Variants in SIK3 observed in about 807,000 individuals in gnomAD.
SIK3 encodes the protein SIK family kinase 3, also known as serine/threonine-protein kinase SIK3.
Under a neutral mutation model 144.2 loss-of-function variants are expected in SIK3, and 28 were observed. The ratio of observed to expected loss-of-function variants is 0.19; its 90% CI spans 0.14 to 0.27. The LOEUF (loss-of-function observed/expected upper bound fraction) is 0.27, where lower values mean the gene tolerates loss of function less well. SIK3 is among the 10% of genes least tolerant of loss of function. The pLI is 1.00. For missense variants in SIK3, 1,319 were observed against 1,776.0 expected, an observed-to-expected ratio of 0.74 and a Z score of 4.62; for synonymous variants, 686 against 676.3, an observed-to-expected ratio of 1.01 and a Z score of -0.22.
intron 5 of SIK3, 131 bp from the exon 6 acceptor site, chr11:116,896,507 G>A: frequency 1.0e-6 from 1 of 957,078 alleles, no homozygotes; most frequent in Non-Finnish European, 1.5e-6. Flanking sequence ...TTCCATCTTA[G>A]AACAGTTAAC....
chr11:117,012,849 CTTT>C (rs10652499), intron 1 of SIK3, among the ~76,000 whole-genome samples: 2 of 96,062 alleles, frequency 2.1e-5, no homozygotes, highest in Non-Finnish European at 3.8e-5. Context: ...GCCATTACTG[CTTT>C]TTTTTTTTTT....
At chr11:116,896,107 G>A in intron 6 of SIK3, 146 bp downstream of exon 6, 1 of 1,064,768 alleles carries the variant, frequency 9.4e-7, no homozygotes, top group Middle Eastern at 3.1e-4. Context: ...ACAGAACCTT[G>A]CCTCCTGGAG....
chr11:117,010,847 C>A (rs896034119), intron 1 of SIK3, among the ~76,000 whole-genome samples: 1 of 152,138 alleles, frequency 6.6e-6, no homozygotes, highest in Non-Finnish European at 1.5e-5. Flanking sequence ...AGGCCAGGCA[C>A]GGTGGCTCAT....
chr11:116,996,198 T>A (rs1029144938), intron 1 of SIK3, among the ~76,000 whole-genome samples: 2 of 151,754 alleles, frequency 1.3e-5, no homozygotes, highest in African/African-American at 2.4e-5. Flanking sequence ...ATCCCAGCTA[T>A]TCGGGAGGCT....
chr11:116,888,483 T>C (rs1944941979), intron 6 of SIK3, among the ~76,000 whole-genome samples: 1 of 152,244 alleles, frequency 6.6e-6, no homozygotes, highest in African/African-American at 2.4e-5. Flanking sequence ...TTTCTGGTAC[T>C]TGAAGGTTGT....
At chr11:116,942,927 CG>C (rs35197032) in intron 3 of SIK3, among the ~76,000 whole-genome samples, 1 of 151,976 alleles carries the variant, frequency 6.6e-6, no homozygotes, top group Non-Finnish European at 1.5e-5. Flanking sequence ...TAGCTATAAT[CG>C]GGGGGGAAGT....
chr11:116,852,306 G>A (rs1942526415), intron 21 of SIK3, among the ~76,000 whole-genome samples: 1 of 152,168 alleles, frequency 6.6e-6, no homozygotes, highest in Non-Finnish European at 1.5e-5. Flanking sequence ...CTTGTCTGCT[G>A]TCTTCCCCGC....
At chr11:116,863,960 C>T (rs2134445701) in intron 15 of SIK3, 142 bp from the exon 16 acceptor site, 2 of 810,112 alleles carry the variant, frequency 2.5e-6, no homozygotes, top group Non-Finnish European at 1.9e-6. Context: ...ATGCCATTTC[C>T]AGACATCAGT....
intron 1 of SIK3, among the ~76,000 whole-genome samples, chr11:117,006,808 G>T (rs1951066075): frequency 6.6e-6 from 1 of 152,150 alleles, no homozygotes; most frequent in Non-Finnish European, 1.5e-5. Context: ...TGGCCATGCT[G>T]CTCTATTTTT....
intron 1 of SIK3, among the ~76,000 whole-genome samples, chr11:116,990,740 A>G (rs1456354000): frequency 1.3e-5 from 2 of 152,134 alleles, no homozygotes; most frequent in Non-Finnish European, 2.9e-5. Flanking sequence ...TAAACTGATT[A>G]TATTTTCTTC....
At chr11:116,980,776 T>C (rs1275952235) in intron 1 of SIK3, among the ~76,000 whole-genome samples, 2 of 151,622 alleles carry the variant, frequency 1.3e-5, no homozygotes, top group African/African-American at 2.4e-5. Flanking sequence ...CACTTGAACC[T>C]AGGAGGCGGA....
intron 6 of SIK3, among the ~76,000 whole-genome samples, chr11:116,895,433 G>A (rs77718307): frequency 0.025 from 3,803 of 152,186 alleles, 88 homozygotes; most frequent in South Asian, 0.11. Context: ...ACACTATGAC[G>A]TTATCAGTTC....
chr11:117,043,416 C>A (rs1410655548), intron 1 of SIK3, among the ~76,000 whole-genome samples: 1 of 152,152 alleles, frequency 6.6e-6, no homozygotes, highest in Non-Finnish European at 1.5e-5. Context: ...AGTCTCCCCA[C>A]TCAATGAGGC....
rs1367274078 is a variant in SIK3, at chr11:116,858,436, T to A, written c.3029A>T (p.His1010Leu). ...LSPTPPDYTR[H>L]QQVPHILQGL... ...TTGAAGGATGTGGGGTACCTGCTGGTGTCTTGTATAGTCTGGCGGCGTGGG... is the reference window on the plus strand; with the variant it reads ...TTGAAGGATGTGGGGTACCTGCTGGAGTCTTGTATAGTCTGGCGGCGTGGG... Residue 1010 changes from histidine to leucine, a missense_variant, in exon 21 of 25, where the codon CAC (histidine) becomes CTC (leucine). Transcript: ENST00000445177. This position sits in a 1 kb window ranked among gnomAD's most constrained non-coding sequence, Gnocchi z 5.4. 2.5e-6 allele frequency: 4 copies of A among 1,608,750 alleles called. No individual in the cohort carries two copies. The highest frequency in any genetic ancestry group is 3.4e-6 in the Non-Finnish European group (4 of 1,176,816).
chr11:116,919,407 G>A (rs1199276328), intron 4 of SIK3, among the ~76,000 whole-genome samples: 2 of 152,060 alleles, frequency 1.3e-5, no homozygotes, highest in Admixed American at 6.6e-5. Flanking sequence ...CCTTTCTATA[G>A]TTGCATTTCT....
At chr11:117,068,421 TA>T (rs1476296269) in intron 1 of SIK3, among the ~76,000 whole-genome samples, 1 of 152,226 alleles carries the variant, frequency 6.6e-6, no homozygotes, top group African/African-American at 2.4e-5. Context: ...CAATGTTGTT[TA>T]AAGATGATCC....
intron 4 of SIK3, among the ~76,000 whole-genome samples, chr11:116,926,318 T>C (rs1947269760): frequency 6.6e-6 from 1 of 152,210 alleles, no homozygotes; most frequent in Non-Finnish European, 1.5e-5. Flanking sequence ...TTAATTTTAT[T>C]AGTAAATGGT....
chr11:116,922,703 C>T (rs1291689892), intron 4 of SIK3, among the ~76,000 whole-genome samples: 1 of 151,986 alleles, frequency 6.6e-6, no homozygotes. Context: ...CACAAATATC[C>T]ACAGACCAAT....
intron 14 of SIK3, 106 bp from the exon 15 acceptor site, chr11:116,868,195 A>G: frequency 1.4e-6 from 2 of 1,397,322 alleles, no homozygotes; most frequent in South Asian, 1.3e-5. Context: ...ATAGTGCCAG[A>G]GCTCACGAAG....
Sources: allele counts gnomAD v4.1 joint callset (sites outside exome capture counted in the v4.1 genomes callset), GRCh38; gene constraint gnomAD v4.1.1; non-coding constraint Gnocchi (gnomAD v3.1); transcripts MANE v1.5; gene names NCBI Gene and HGNC (gene_info 2026-07-23, HGNC 2026-07-21).